MAML3: variants seen among roughly 807,000 people sequenced by gnomAD.
MAML3 encodes the protein mastermind-like protein 3.
A neutral mutation model predicts 101.9 loss-of-function variants in MAML3; 27 were observed. The observed-to-expected ratio is 0.27, with a 90% CI of 0.20 to 0.37. The LOEUF is 0.37. Among genes scored for constraint, MAML3 ranks in the 10% least tolerant of loss-of-function variants. MAML3 has a pLI of 1.00. For synonymous variants in MAML3, 501 were observed against 555.9 expected (o/e 0.90, Z 1.39); for missense variants, 1,316 against 1,444.9 (o/e 0.91, Z 1.45).
chr4:139,918,832 A>G (rs573486481), intron 1 of MAML3, among the ~76,000 whole-genome samples: 1 of 152,282 alleles, frequency 6.6e-6, no homozygotes, highest in East Asian at 1.9e-4. Flanking sequence ...CACTCCTTAG[A>G]ATGTAAACAG....
intron 2 of MAML3, among the ~76,000 whole-genome samples, chr4:139,849,406 G>A (rs1731509153): frequency 6.6e-6 from 1 of 152,162 alleles, no homozygotes. Context: ...GCAAATAACT[G>A]AAAGGAGGGT....
At chr4:139,984,127 G>T (rs534339416) in intron 1 of MAML3, among the ~76,000 whole-genome samples, 2 of 152,184 alleles carry the variant, frequency 1.3e-5, no homozygotes, top group Non-Finnish European at 2.9e-5. Flanking sequence ...GGAAGTGGGG[G>T]CCAGAACAGG....
chr4:140,005,975 A>T (rs1240935681), intron 1 of MAML3, among the ~76,000 whole-genome samples: 1 of 152,200 alleles, frequency 6.6e-6, no homozygotes, highest in Non-Finnish European at 1.5e-5. Context: ...TGGGAAACAT[A>T]GGTCAGTTTT....
At chr4:139,809,135 G>C (rs1450050556) in intron 2 of MAML3, among the ~76,000 whole-genome samples, 1 of 152,160 alleles carries the variant, frequency 6.6e-6, no homozygotes, top group Non-Finnish European at 1.5e-5. Flanking sequence ...AATGTTATCA[G>C]GGAGCTTGGG....
chr4:140,085,217 G>GT (rs370333362), intron 1 of MAML3, among the ~76,000 whole-genome samples: 172 of 152,262 alleles, frequency 1.1e-3, no homozygotes, highest in African/African-American at 3.9e-3. Context: ...TTTTCCTTGC[G>GT]TATTTCTTCC....
intron 2 of MAML3, among the ~76,000 whole-genome samples, chr4:139,745,510 C>G (rs1004590110): frequency 6.6e-6 from 1 of 152,074 alleles, no homozygotes; most frequent in African/African-American, 2.4e-5. Flanking sequence ...TGAAAAAAGC[C>G]AAATGCACCT....
chr4:139,899,063 G>A (rs1732664832), intron 1 of MAML3, among the ~76,000 whole-genome samples: 1 of 152,200 alleles, frequency 6.6e-6, no homozygotes, highest in African/African-American at 2.4e-5. Flanking sequence ...ACACAAGGTG[G>A]GGGCACAGGT....
chr4:139,878,689 G>A (rs539729383), intron 2 of MAML3, among the ~76,000 whole-genome samples: 4 of 152,214 alleles, frequency 2.6e-5, no homozygotes, highest in Non-Finnish European at 2.9e-5. Flanking sequence ...TCCGGCTGAG[G>A]CAACATCTCC....
chr4:139,843,546 A>C (rs944408783), intron 2 of MAML3, among the ~76,000 whole-genome samples: 1 of 152,230 alleles, frequency 6.6e-6, no homozygotes, highest in Non-Finnish European at 1.5e-5. Context: ...ATGAATTAAC[A>C]TTCATAATAA....
chr4:140,154,075 C>A lies in MAML3; in HGVS notation c.-748G>T. The stretch of plus-strand genomic sequence containing the variant: ...CTCGGCTGGGCTGCCGCTGCCGCCG[C>A]TGCTCCTGCCACCATCACAATGATC... On this transcript the variant is annotated 5_prime_UTR_variant, in exon 1 of 5. Coordinates refer to ENST00000509479, the MANE Select transcript of MAML3 (RefSeq NM_018717.5). 1 of 169,780 alleles carries A rather than the reference C, an allele frequency of 5.9e-6. No homozygotes were observed. Among genetic ancestry groups the A allele is most frequent in the Non-Finnish European group, 1.3e-5 (1 of 78,104 alleles). The allele number at this position is 169,780 out of a possible 1,614,324, so 10.5% of individuals were successfully genotyped here.
chr4:140,116,258 CTG>C (rs1560898492), intron 1 of MAML3, among the ~76,000 whole-genome samples: 1 of 152,140 alleles, frequency 6.6e-6, no homozygotes, highest in Non-Finnish European at 1.5e-5. Context: ...TCAAGTTATA[CTG>C]TGTTCTTAAA....
chr4:140,057,215 G>C (rs1335595698), intron 1 of MAML3, among the ~76,000 whole-genome samples: 4 of 152,196 alleles, frequency 2.6e-5, no homozygotes, highest in Non-Finnish European at 5.9e-5. Flanking sequence ...GTTCAAGGCT[G>C]CAATGAGCTA....
At chr4:139,873,078 T>C (rs1227459040) in intron 2 of MAML3, among the ~76,000 whole-genome samples, 1 of 151,710 alleles carries the variant, frequency 6.6e-6, no homozygotes, top group Non-Finnish European at 1.5e-5. Context: ...TGAGACTCCA[T>C]CTCAAAAAAT....
chr4:139,800,347 G>A (rs1730582794), intron 2 of MAML3, among the ~76,000 whole-genome samples: 1 of 152,062 alleles, frequency 6.6e-6, no homozygotes, highest in African/African-American at 2.4e-5. Flanking sequence ...CTACTTGTGT[G>A]GTCTCAGCAA....
chr4:139,800,792 A>G (rs1451758379), intron 2 of MAML3, among the ~76,000 whole-genome samples: 2 of 152,246 alleles, frequency 1.3e-5, no homozygotes, highest in African/African-American at 4.8e-5. Flanking sequence ...ATAATTTTAG[A>G]TGATGAGTTG....
chr4:139,723,446 G>A (rs1448418624), intron 4 of MAML3, among the ~76,000 whole-genome samples: 1 of 152,164 alleles, frequency 6.6e-6, no homozygotes, highest in African/African-American at 2.4e-5. Flanking sequence ...GAGTAGCTGG[G>A]ATTACAGGCA....
At chr4:139,756,977 G>A (rs995773898) in intron 2 of MAML3, among the ~76,000 whole-genome samples, 1 of 152,104 alleles carries the variant, frequency 6.6e-6, no homozygotes, top group East Asian at 1.9e-4. Flanking sequence ...ATAATTCACC[G>A]TAGAACCAGA....
At position 139,846,029 on chromosome 4, in the gene MAML3, G is replaced by C. The variant is rs567224040; in HGVS notation, c.2079+43328C>G. 3.4e-3 allele frequency among the ~76,000 whole-genome samples: 514 copies of C among 152,278 alleles called. 3 individuals are homozygous for C. Among genetic ancestry groups the C allele is most frequent in the African/African-American group, 0.012 (490 of 41,556 alleles). On this transcript the variant is annotated intron_variant, in intron 2 of 4. Coordinates refer to ENST00000509479, the MANE Select transcript of MAML3 (RefSeq NM_018717.5). ...CTCAGAGTTTGAAATGCTCCAAGCAGACATAGTTATTTGTGACAGCTTGAC... is the reference window on the plus strand; with the variant it reads ...CTCAGAGTTTGAAATGCTCCAAGCACACATAGTTATTTGTGACAGCTTGAC...
intron 1 of MAML3, among the ~76,000 whole-genome samples, chr4:140,116,410 G>T (rs1728519485): frequency 6.6e-6 from 1 of 152,178 alleles, no homozygotes; most frequent in African/African-American, 2.4e-5. Flanking sequence ...CCTATATAGA[G>T]AACATTTCTC....
Sources: gnomAD v4.1 joint callset for allele counts (sites outside exome capture counted in the v4.1 genomes callset) on GRCh38, gnomAD v4.1.1 for gene constraint, MANE v1.5 for transcripts, NCBI Gene and HGNC (gene_info 2026-07-23, HGNC 2026-07-21) for gene names.